The following CD1B variants were observed in gnomAD, a reference collection of about 807,000 sequenced individuals.
CD1B encodes CD1b molecule.
In CD1B, 43 loss-of-function variants were observed where a neutral mutation model predicts 39.8. The ratio of observed to expected loss-of-function variants is 1.08; its 90% confidence interval spans 0.85 to 1.39. The LOEUF (loss-of-function observed/expected upper bound fraction) is 1.39, where lower values mean the gene tolerates loss of function less well. Ranked by LOEUF, CD1B falls within the 40% of genes most tolerant of loss-of-function variation. CD1B has a pLI of 0.00. For synonymous variants in CD1B, 192 were observed against 152.5 expected, an observed-to-expected ratio of 1.26 and a Z score of -1.91; for missense variants, 495 against 403.8, an observed-to-expected ratio of 1.23 and a Z score of -1.94.
At chr1:158,328,522 T>C (rs1310353797) in intron 5 of CD1B, among the ~76,000 whole-genome samples, 1 of 152,172 alleles carries the variant, frequency 6.6e-6, no homozygotes, top group Non-Finnish European at 1.5e-5. Context: ...ATTCCACTTA[T>C]ATAAGGTACC....
At chr1:158,295,220 G>A in the CD1B span, among the ~76,000 whole-genome samples, 1 of 152,056 alleles carries the variant, frequency 6.6e-6, no homozygotes, top group African/African-American at 2.4e-5. Flanking sequence ...AGTATACTCT[G>A]AGAAGATCAT....
the CD1B span, among the ~76,000 whole-genome samples, chr1:158,290,366 A>G: frequency 6.6e-6 from 1 of 151,946 alleles, no homozygotes. Flanking sequence ...TTTCCTCTCC[A>G]TTTTCCGTTA....
At chr1:158,307,041 A>G in the CD1B span, among the ~76,000 whole-genome samples, 2 of 152,236 alleles carry the variant, frequency 1.3e-5, no homozygotes, top group African/African-American at 2.4e-5. Flanking sequence ...AAGAGCAAAC[A>G]CATTCAAAAG....
At chr1:158,308,123 C>T in the CD1B span, among the ~76,000 whole-genome samples, 5 of 152,182 alleles carry the variant, frequency 3.3e-5, no homozygotes, top group Admixed American at 2.6e-4. Flanking sequence ...AGCTGATAGG[C>T]AACTTCAGCA....
the CD1B span, among the ~76,000 whole-genome samples, chr1:158,290,731 CAA>C: frequency 6.6e-6 from 1 of 152,110 alleles, no homozygotes; most frequent in African/African-American, 2.4e-5. Context: ...CAGAGATCAG[CAA>C]ATGGCTTTTC....
At chr1:158,315,672 T>A in the CD1B span, among the ~76,000 whole-genome samples, 4 of 151,846 alleles carry the variant, frequency 2.6e-5, no homozygotes, top group Non-Finnish European at 5.9e-5. Flanking sequence ...TTAGATCCCA[T>A]TTGTCAATTT....
At chr1:158,325,493 T>C (rs1276297213), downstream of CD1B, among the ~76,000 whole-genome samples, 1 of 152,200 alleles carries the variant, frequency 6.6e-6, no homozygotes, top group African/African-American at 2.4e-5. Flanking sequence ...CACTACATTT[T>C]TGAAAAACAT....
chr1:158,306,570 C>G, the CD1B span, among the ~76,000 whole-genome samples: 1 of 152,126 alleles, frequency 6.6e-6, no homozygotes, highest in Non-Finnish European at 1.5e-5. Context: ...CAGCTCTGCA[C>G]CAAGTGGACC....
At chr1:158,317,966 T>A in the CD1B span, among the ~76,000 whole-genome samples, 8 of 152,292 alleles carry the variant, frequency 5.3e-5, no homozygotes, top group South Asian at 2.1e-4. Flanking sequence ...CATGTAGTTG[T>A]GCGGTTTTGA....
chr1:158,314,382 A>T, the CD1B span, among the ~76,000 whole-genome samples: 1 of 152,098 alleles, frequency 6.6e-6, no homozygotes, highest in African/African-American at 2.4e-5. Context: ...TGCCTGGCCA[A>T]GTGTTTTATA....
At chr1:158,314,374 C>T in the CD1B span, among the ~76,000 whole-genome samples, 1 of 152,092 alleles carries the variant, frequency 6.6e-6, no homozygotes, top group Non-Finnish European at 1.5e-5. Flanking sequence ...AGCCACCGTG[C>T]CTGGCCAAGT....
chr1:158,309,662 T>C, the CD1B span, among the ~76,000 whole-genome samples: 1 of 151,968 alleles, frequency 6.6e-6, no homozygotes, highest in African/African-American at 2.4e-5. Flanking sequence ...TAAAAAATGA[T>C]GAGTTCATGT....
the CD1B span, chr1:158,292,736 C>T: frequency 6.2e-7 from 1 of 1,614,178 alleles, no homozygotes; most frequent in Admixed American, 1.7e-5. Context: ...GGGCACTAAA[C>T]ATGGTGATAT....
chr1:158,300,407 G>A, the CD1B span, among the ~76,000 whole-genome samples: 1 of 152,072 alleles, frequency 6.6e-6, no homozygotes, highest in Non-Finnish European at 1.5e-5. Context: ...CAATTTTGTG[G>A]TCAATTTTAG....
Position 158,331,031 on chromosome 1 carries a change from G to T in CD1B, c.93C>A (p.Ile31=). ...AFQGPTSFHV[I]QTSSFTNSTW... is the part of the protein sequence containing the mutation. Reference sequence around the variant, plus strand: ...TACTATTGGTAAAGGACGAGGTCTGGATAACATGAAAGGAGGTCGGCCCCT... The same window carrying T: ...TACTATTGGTAAAGGACGAGGTCTGTATAACATGAAAGGAGGTCGGCCCCT... Residue 31 remains isoleucine, a synonymous_variant, in exon 2 of 6, where the codon ATC becomes ATA. Transcript: ENST00000368168. 1 of 1,613,710 alleles carries T rather than the reference G, an allele frequency of 6.2e-7. No homozygotes were observed. The highest frequency in any genetic ancestry group is 1.1e-5 in the South Asian group (1 of 90,944).
the CD1B span, among the ~76,000 whole-genome samples, chr1:158,322,435 G>GT: frequency 2.8e-5 from 4 of 142,778 alleles, no homozygotes; most frequent in African/African-American, 1.1e-4. Context: ...TTTTTTGTGT[G>GT]TGTGTGTTTT....
At position 158,329,930 on chromosome 1, in the gene CD1B, TCA is replaced by T. The variant is rs745615762; in HGVS notation, c.527_528del (p.Val176GlufsTer6). 4.3e-6 allele frequency: 7 copies of T among 1,614,104 alleles called. No homozygotes were observed. Among genetic ancestry groups the T allele is most frequent in the South Asian group, 1.1e-5 (1 of 91,080 alleles). ...GGGCAGGTTTCATAGAGGAGAATTC[TCA>T]CAGTTTCCATGATACCTTGATATTG... Reference protein sequence around the residue: ...IIQYQGIMETVRILLYETCPR... With the variant: ...IIQYQGIMETXRILLYETCPR... On this transcript the variant is annotated frameshift_variant, in exon 3 of 6. Coordinates refer to ENST00000368168, the MANE Select transcript of CD1B (RefSeq NM_001764.3). LOFTEE classifies it high-confidence loss of function.
At chr1:158,315,569 A>T in the CD1B span, among the ~76,000 whole-genome samples, 1 of 151,484 alleles carries the variant, frequency 6.6e-6, no homozygotes, top group Non-Finnish European at 1.5e-5. Context: ...CCTTTGTCAG[A>T]TGAGTAGGTT....
chr1:158,317,106 G>C, the CD1B span, among the ~76,000 whole-genome samples: 1 of 151,688 alleles, frequency 6.6e-6, no homozygotes, highest in Non-Finnish European at 1.5e-5. Context: ...CAAGGATATT[G>C]ATTGGTCTAA....
Sources: allele counts gnomAD v4.1 joint callset (sites outside exome capture counted in the v4.1 genomes callset), GRCh38; gene constraint gnomAD v4.1.1; transcripts MANE v1.5; gene names NCBI Gene and HGNC (gene_info 2026-07-23, HGNC 2026-07-21).